Variants in PTPRT observed in about 807,000 individuals in gnomAD.
The protein encoded by PTPRT is receptor-type tyrosine-protein phosphatase T.
In PTPRT, 56 loss-of-function variants were observed where a neutral mutation model predicts 176.8. That is an observed-to-expected ratio of 0.32 (90% CI 0.26 to 0.40). PTPRT has a LOEUF of 0.40. PTPRT is among the 10% of genes least tolerant of loss of function. The pLI, the probability that PTPRT is intolerant of heterozygous loss-of-function variation, is 1.00. For missense variants in PTPRT, 1,540 were observed against 1,908.2 expected (o/e 0.81, Z 3.60); for synonymous variants, 783 against 739.0 (o/e 1.06, Z -0.96).
At chr20:42,867,098 G>A (rs1226499273) in intron 2 of PTPRT, among the ~76,000 whole-genome samples, 2 of 152,182 alleles carry the variant, frequency 1.3e-5, no homozygotes, top group Non-Finnish European at 1.5e-5. Context: ...ACCTCTTGGT[G>A]CTGGAAACTC....
intron 7 of PTPRT, among the ~76,000 whole-genome samples, chr20:42,561,196 G>A (rs1028195206): frequency 7.9e-5 from 12 of 152,194 alleles, no homozygotes; most frequent in African/African-American, 1.4e-4. Context: ...TTCAGTAAAC[G>A]TCTGTGCCAG....
intron 8 of PTPRT, among the ~76,000 whole-genome samples, chr20:42,451,371 T>G (rs2070823885): frequency 6.6e-6 from 1 of 152,146 alleles, no homozygotes; most frequent in African/African-American, 2.4e-5. Context: ...GAGCTCAGTT[T>G]TTGTCATACT....
intron 1 of PTPRT, among the ~76,000 whole-genome samples, chr20:42,910,176 T>C (rs1478182388): frequency 6.6e-6 from 1 of 152,168 alleles, no homozygotes; most frequent in Non-Finnish European, 1.5e-5. Context: ...GAAATCCTGC[T>C]GCACGCTTGG....
intron 5 of PTPRT, among the ~76,000 whole-genome samples, chr20:42,766,966 C>A (rs1240236150): frequency 1.3e-5 from 2 of 152,152 alleles, no homozygotes; most frequent in Admixed American, 1.3e-4. Context: ...AATTCTCAGG[C>A]TAAGTCACCC....
chr20:42,698,339 T>C (rs543761751), intron 6 of PTPRT, among the ~76,000 whole-genome samples: 2 of 152,248 alleles, frequency 1.3e-5, no homozygotes, highest in South Asian at 4.1e-4. Context: ...ATGAGGTGTG[T>C]CATTATGAAA....
chr20:42,187,480 G>A (rs924153284), intron 16 of PTPRT, among the ~76,000 whole-genome samples: 1 of 152,208 alleles, frequency 6.6e-6, no homozygotes, highest in Non-Finnish European at 1.5e-5. Flanking sequence ...GATGCACTGA[G>A]CATAGGGGCT....
At chr20:42,060,166 C>T in the PTPRT span, among the ~76,000 whole-genome samples, 2 of 152,044 alleles carry the variant, frequency 1.3e-5, no homozygotes, top group African/African-American at 4.8e-5. Context: ...GACAATTGTC[C>T]AAGTCATACA....
At position 42,350,214 on chromosome 20, in the gene PTPRT, G is replaced by GTTTTTTTTTT. The variant is rs764181357; in HGVS notation, c.1865+404_1865+413dup. 2.7e-3 allele frequency among the ~76,000 whole-genome samples: 156 copies of GTTTTTTTTTT among 58,224 alleles called. 6 individuals are homozygous for GTTTTTTTTTT. Among genetic ancestry groups the GTTTTTTTTTT allele is most frequent in the Non-Finnish European group, 4.0e-3 (122 of 30,158 alleles). The allele number at this position is 58,224 out of a possible 152,430, so 38.2% of individuals were successfully genotyped here. On this transcript the variant is annotated intron_variant, in intron 11 of 30. Transcript: ENST00000373187. Reference sequence around the variant, plus strand: ...TCAGGTCCTGATTAGGATGTTTCTTGTTTTTTTTTTTTTTTTTTTTTTTTT... The same window carrying GTTTTTTTTTT: ...TCAGGTCCTGATTAGGATGTTTCTTGTTTTTTTTTTTTTTTTTTTTTTTTTTTTTTTTTTT...
chr20:42,907,295 C>T (rs972315047), intron 1 of PTPRT, among the ~76,000 whole-genome samples: 2 of 152,036 alleles, frequency 1.3e-5, no homozygotes, highest in African/African-American at 4.8e-5. Flanking sequence ...CCCCAATAAC[C>T]TGAAAAAACA....
chr20:42,354,980 TG>T (rs1299535050), intron 9 of PTPRT, among the ~76,000 whole-genome samples: 1 of 151,380 alleles, frequency 6.6e-6, no homozygotes, highest in South Asian at 2.1e-4. Flanking sequence ...TGCAGGTGGC[TG>T]CTAGCTTCAG....
intron 2 of PTPRT, among the ~76,000 whole-genome samples, chr20:42,808,742 G>T (rs1026941760): frequency 2.0e-5 from 3 of 152,212 alleles, no homozygotes; most frequent in African/African-American, 7.2e-5. Flanking sequence ...ACTACTGGGA[G>T]GCTGGGGAAT....
At chr20:42,333,237 T>G (rs1349172602) in intron 11 of PTPRT, among the ~76,000 whole-genome samples, 2 of 152,194 alleles carry the variant, frequency 1.3e-5, no homozygotes, top group African/African-American at 2.4e-5. Flanking sequence ...TCTACTAAGC[T>G]AGGCATTAAA....
the PTPRT span, among the ~76,000 whole-genome samples, chr20:42,040,332 A>T: frequency 2.0e-5 from 3 of 152,086 alleles, no homozygotes; most frequent in African/African-American, 7.2e-5. Flanking sequence ...AGGAGGTTAG[A>T]TTGCTAGAGT....
intron 22 of PTPRT, 147 bp from the exon 23 acceptor site, chr20:42,110,634 G>T: frequency 1.3e-6 from 1 of 758,118 alleles, no homozygotes; most frequent in Non-Finnish European, 2.0e-6. Flanking sequence ...ACTGGATAGA[G>T]CGATTCTGTA....
At chr20:42,173,719 G>A (rs578065282) in intron 16 of PTPRT, among the ~76,000 whole-genome samples, 23 of 152,130 alleles carry the variant, frequency 1.5e-4, no homozygotes, top group South Asian at 6.2e-4. Context: ...GCTGAGGGGC[G>A]TGCATGGAAT....
intron 2 of PTPRT, among the ~76,000 whole-genome samples, chr20:42,879,911 C>T (rs563455219): frequency 6.6e-6 from 1 of 152,300 alleles, no homozygotes; most frequent in African/African-American, 2.4e-5. Flanking sequence ...GAAATCAAGG[C>T]TTCCTTCCTT....
At chr20:42,411,857 A>C (rs1465777009) in intron 9 of PTPRT, among the ~76,000 whole-genome samples, 1 of 152,056 alleles carries the variant, frequency 6.6e-6, no homozygotes, top group African/African-American at 2.4e-5. Context: ...CAAAAAAAAA[A>C]ATAGTATCAG....
intron 1 of PTPRT, among the ~76,000 whole-genome samples, chr20:42,985,494 T>C (rs898874385): frequency 2.6e-5 from 4 of 151,724 alleles, no homozygotes; most frequent in African/African-American, 9.7e-5. Flanking sequence ...ACTCCGTTGC[T>C]AAATAAATAA....
rs142179697 is a variant in PTPRT at position 42,110,904 on chromosome 20, G to A, written c.3100-417C>T. Among the ~76,000 whole-genome samples, 764 of 152,344 alleles carry A rather than the reference G, an allele frequency of 5.0e-3. 10 individuals carry two copies. Among genetic ancestry groups the A allele is most frequent in the African/African-American group, 0.017 (706 of 41,572 alleles). ...AATTGTTTCCAGTGGAATCTGAGGC[G>A]TTCAGTGATTGAGGTCTGATATTCT... is the stretch of plus-strand genomic sequence containing the variant. On this transcript the variant is annotated intron_variant, in intron 22 of 30. Transcript: ENST00000373187.
Sources: allele counts gnomAD v4.1 joint callset (sites outside exome capture counted in the v4.1 genomes callset), GRCh38; gene constraint gnomAD v4.1.1; transcripts MANE v1.5; gene names NCBI Gene and HGNC (gene_info 2026-07-23, HGNC 2026-07-21).